The following GRID1 variants were observed in gnomAD, a reference collection of about 807,000 sequenced individuals.
GRID1 encodes the protein glutamate receptor ionotropic, delta-1.
In GRID1, 28 loss-of-function variants were observed where a neutral mutation model predicts 98.0. That is an observed-to-expected ratio of 0.29 (90% CI 0.21 to 0.39). The LOEUF is 0.39. Among genes scored for constraint, GRID1 ranks in the 10% least tolerant of loss-of-function variants. The pLI is 1.00. For synonymous variants in GRID1, 553 were observed against 538.5 expected, an observed-to-expected ratio of 1.03 and a Z score of -0.37; for missense variants, 1,111 against 1,340.5, an observed-to-expected ratio of 0.83 and a Z score of 2.67.
intron 4 of GRID1, among the ~76,000 whole-genome samples, chr10:85,929,108 G>C (rs1407877308): frequency 6.6e-6 from 1 of 152,194 alleles, no homozygotes. Flanking sequence ...GAGGAATCCA[G>C]TGGTTTGGGA....
chr10:85,980,170 C>T (rs1842526892), intron 4 of GRID1, among the ~76,000 whole-genome samples: 1 of 152,216 alleles, frequency 6.6e-6, no homozygotes. Flanking sequence ...TTCTCTTACC[C>T]GTCAGACCCC....
intron 2 of GRID1, among the ~76,000 whole-genome samples, chr10:86,266,196 T>A (rs1243819056): frequency 6.6e-6 from 1 of 151,932 alleles, no homozygotes; most frequent in East Asian, 1.9e-4. Context: ...CCCCTCCTGA[T>A]AACCCATCAT....
intron 8 of GRID1, among the ~76,000 whole-genome samples, chr10:85,742,524 TA>T (rs1392553884): frequency 1.3e-5 from 2 of 152,180 alleles, no homozygotes; most frequent in Admixed American, 6.5e-5. Flanking sequence ...ATTGTCACTT[TA>T]AAAAAATTGT....
intron 4 of GRID1, among the ~76,000 whole-genome samples, chr10:86,036,200 A>G (rs1843259000): frequency 6.6e-6 from 1 of 152,190 alleles, no homozygotes; most frequent in Non-Finnish European, 1.5e-5. Flanking sequence ...GGTGGCTACG[A>G]CAAGGGACAT....
At chr10:86,197,829 C>A (rs551717753) in intron 3 of GRID1, among the ~76,000 whole-genome samples, 3 of 152,042 alleles carry the variant, frequency 2.0e-5, no homozygotes, top group Non-Finnish European at 2.9e-5. Context: ...AATTAACACA[C>A]CCCAAAGTAC....
intron 4 of GRID1, among the ~76,000 whole-genome samples, chr10:86,007,961 T>G (rs947430915): frequency 3.9e-5 from 6 of 152,106 alleles, no homozygotes; most frequent in Non-Finnish European, 7.3e-5. Flanking sequence ...AAACGTTTCA[T>G]GATGCTGGTG....
chr10:86,089,546 AGATCCAG>A, intron 4 of GRID1, among the ~76,000 whole-genome samples: 1 of 152,210 alleles, frequency 6.6e-6, no homozygotes, highest in Non-Finnish European at 1.5e-5. Flanking sequence ...ATTCACACAA[AGATCCAG>A]GAAGAACTCA....
At chr10:86,124,557 C>T (rs1844723587) in intron 4 of GRID1, among the ~76,000 whole-genome samples, 1 of 152,216 alleles carries the variant, frequency 6.6e-6, no homozygotes, top group African/African-American at 2.4e-5. Context: ...CGAAACCACT[C>T]TCTTCTTACC....
chr10:85,853,536 G>A (rs1731323997), intron 8 of GRID1, among the ~76,000 whole-genome samples: 1 of 151,204 alleles, frequency 6.6e-6, no homozygotes, highest in Admixed American at 6.6e-5. Context: ...TTCCGGAGAA[G>A]ACCAAGCCAC....
At chr10:85,701,494 GA>G in intron 12 of GRID1, among the ~76,000 whole-genome samples, 1 of 152,118 alleles carries the variant, frequency 6.6e-6, no homozygotes, top group Non-Finnish European at 1.5e-5. Context: ...AAACTCAAAA[GA>G]AAAAATTCCA....
chr10:86,261,965 A>C (rs1457983029), intron 2 of GRID1, among the ~76,000 whole-genome samples: 1 of 152,128 alleles, frequency 6.6e-6, no homozygotes. Context: ...CAGGAGCTTC[A>C]CTCTTCATGC....
chr10:85,942,862 G>A (rs1842012691), intron 4 of GRID1, among the ~76,000 whole-genome samples: 1 of 152,160 alleles, frequency 6.6e-6, no homozygotes, highest in African/African-American at 2.4e-5. Flanking sequence ...TACTACACAT[G>A]TCTTTGGTTG....
intron 5 of GRID1, among the ~76,000 whole-genome samples, chr10:85,911,697 C>G (rs1323114263): frequency 6.6e-6 from 1 of 152,202 alleles, no homozygotes; most frequent in Non-Finnish European, 1.5e-5. Flanking sequence ...CAGCAACAAA[C>G]ACAGTGCTTC....
At chr10:85,682,173 A>T (rs1841217196) in intron 12 of GRID1, among the ~76,000 whole-genome samples, 1 of 152,250 alleles carries the variant, frequency 6.6e-6, no homozygotes, top group African/African-American at 2.4e-5. Flanking sequence ...AGAAGGGTAT[A>T]GAGATAAGTC....
At chr10:86,244,632 G>A (rs939791505) in intron 2 of GRID1, among the ~76,000 whole-genome samples, 20 of 152,192 alleles carry the variant, frequency 1.3e-4, no homozygotes, top group Non-Finnish European at 2.6e-4. Context: ...CTCCAGCGGC[G>A]AACACAAGAG....
intron 8 of GRID1, among the ~76,000 whole-genome samples, chr10:85,790,640 G>A (rs1189362295): frequency 1.3e-5 from 2 of 152,162 alleles, no homozygotes; most frequent in Non-Finnish European, 2.9e-5. Context: ...GTCAGACCAG[G>A]AGCCTCCTGG....
chr10:85,984,856 G>A (rs1842589919), intron 4 of GRID1, among the ~76,000 whole-genome samples: 1 of 146,010 alleles, frequency 6.8e-6, no homozygotes, highest in South Asian at 2.4e-4. Flanking sequence ...AGTGTTGAGA[G>A]TCCTCTGGCT....
intron 2 of GRID1, among the ~76,000 whole-genome samples, chr10:86,341,202 C>T (rs1161412496): frequency 1.3e-5 from 2 of 152,182 alleles, no homozygotes; most frequent in African/African-American, 4.8e-5. Context: ...TCCCTGATCC[C>T]CCAGGTCCAT....
At chr10:86,157,305 T>C (rs570017301) in intron 3 of GRID1, among the ~76,000 whole-genome samples, 1 of 152,244 alleles carries the variant, frequency 6.6e-6, no homozygotes, top group East Asian at 1.9e-4. Context: ...AATGTGAATG[T>C]TGGCCCAGGA....
Sources: gnomAD v4.1 joint callset for allele counts (sites outside exome capture counted in the v4.1 genomes callset) on GRCh38, gnomAD v4.1.1 for gene constraint, MANE v1.5 for transcripts, NCBI Gene and HGNC (gene_info 2026-07-23, HGNC 2026-07-21) for gene names.